RGS5: variants seen among roughly 807,000 people sequenced by gnomAD.
RGS5 encodes regulator of G-protein signalling 5.
A neutral mutation model predicts 18.9 loss-of-function variants in RGS5; 20 were observed. That is an observed-to-expected ratio of 1.06 (90% CI 0.74 to 1.54). The LOEUF (loss-of-function observed/expected upper bound fraction) is 1.54, where lower values mean the gene tolerates loss of function less well. RGS5 is among the 40% of genes most tolerant of loss of function. The probability of loss-of-function intolerance (pLI) is 0.00; values close to 1 mark genes in which losing one functional copy is unlikely to be tolerated. For synonymous variants in RGS5, 57 were observed against 76.2 expected (o/e 0.75, Z 1.31); for missense variants, 201 against 211.8 (o/e 0.95, Z 0.32).
At chr1:163,265,222 G>T (rs901619972) in intron 2 of RGS5, among the ~76,000 whole-genome samples, 3 of 151,942 alleles carry the variant, frequency 2.0e-5, no homozygotes, top group Non-Finnish European at 4.4e-5. Flanking sequence ...CTTCAATGAC[G>T]ATCATATCCC....
In RGS5 at chr1:163,152,644, C is replaced by A. The variant is rs1251592440; in HGVS notation, c.290G>T (p.Cys97Phe). 1 of 1,612,808 alleles carries A rather than the reference C, an allele frequency of 6.2e-7. No homozygotes were observed. The highest frequency in any genetic ancestry group is 2.2e-5 in the East Asian group (1 of 44,864). ...GGACTTGATCTTCTTGTAATCCTCACAGGCAATCCAGAACTCAAGGTTTTC... is the reference window on the plus strand; with the variant it reads ...GGACTTGATCTTCTTGTAATCCTCAAAGGCAATCCAGAACTCAAGGTTTTC... ...SEENLEFWIACEDYKKIKSPA... is the reference protein window; with the variant it reads ...SEENLEFWIAFEDYKKIKSPA... The change falls in exon 4 of 5, where the codon TGT (cysteine) becomes TTT (phenylalanine). Residue 97 changes from cysteine (C) to phenylalanine (F), a missense_variant. Cys to Phe is a radical substitution (Grantham distance 205). Transcript: ENST00000313961.
chr1:163,147,228 C>A lies in RGS5; in HGVS notation c.*114G>T. On this transcript the variant is annotated 3_prime_UTR_variant, in exon 5 of 5. Transcript: ENST00000313961. ...AAGCAACATCCCCTGGGATTTTTCC[C>A]ATGTGGGTATCACTGAGCAAAGCTG... is the stretch of plus-strand genomic sequence containing the variant. 8.9e-7 allele frequency: 1 copy of A among 1,129,684 alleles called. No individual in the cohort carries two copies. The highest frequency in any genetic ancestry group is 2.9e-5 in the East Asian group (1 of 35,062). The allele number at this position is 1,129,684 out of a possible 1,614,324, so 70.0% of individuals were successfully genotyped here. A position where few individuals can be genotyped will look rare whatever the true frequency, so the allele number is the denominator to read the frequency against.
intron 1 of RGS5, among the ~76,000 whole-genome samples, chr1:163,197,318 A>G (rs891551074): frequency 3.9e-5 from 6 of 151,970 alleles, no homozygotes; most frequent in Non-Finnish European, 8.8e-5. Flanking sequence ...CTTCCTGTCT[A>G]GACCTGGCTA....
chr1:163,277,671 A>G (rs113453562), intron 2 of RGS5, among the ~76,000 whole-genome samples: 4,071 of 152,270 alleles, frequency 0.027, 77 homozygotes, highest in Non-Finnish European at 0.045. Flanking sequence ...TGTCTCATTC[A>G]TTGTCTCTGG....
chr1:163,258,639 G>A (rs1053783376), intron 2 of RGS5, among the ~76,000 whole-genome samples: 7 of 143,284 alleles, frequency 4.9e-5, no homozygotes, highest in Non-Finnish European at 9.1e-5. Flanking sequence ...GCTAAAGTAA[G>A]TGTGTCTGTG....
chr1:163,217,895 C>T (rs112232876), upstream of RGS5, among the ~76,000 whole-genome samples: 62 of 152,184 alleles, frequency 4.1e-4, 1 homozygote, highest in African/African-American at 1.1e-3. Context: ...CTGTGAGTAA[C>T]AGATTTTAAA....
intron 1 of RGS5, chr1:163,319,300 G>C (rs1235351416): frequency 6.6e-6 from 1 of 152,176 alleles, no homozygotes. Flanking sequence ...GTCTAGAAAA[G>C]GAACATGAAA....
intron 1 of RGS5, among the ~76,000 whole-genome samples, chr1:163,189,470 T>C (rs4266856): frequency 0.79 from 120,157 of 152,088 alleles, 47,892 homozygotes; most frequent in East Asian, 0.95. Flanking sequence ...ACGATAAAAT[T>C]TTTAGAGGGT....
chr1:163,318,123 A>C (rs961794269), intron 1 of RGS5, among the ~76,000 whole-genome samples: 3 of 152,210 alleles, frequency 2.0e-5, no homozygotes, highest in Non-Finnish European at 4.4e-5. Context: ...CAAAGAAAAT[A>C]AAGATAGTCC....
At position 163,266,306 on chromosome 1, in the gene RGS5, C is replaced by T. The variant is rs567269112; in HGVS notation, c.-281+39927G>A. 1.2e-3 allele frequency among the ~76,000 whole-genome samples: 189 copies of T among 152,266 alleles called. 1 individual carries two copies. Among genetic ancestry groups the T allele is most frequent in the Middle Eastern group, 3.4e-3 (1 of 294 alleles). ...TTAATATGTCTCATATTCACTCCCA[C>T]ATTCATTCCACTACTACCTACTTAG... On this transcript the variant is annotated intron_variant, in intron 2 of 5. Transcript: ENST00000618415.
intron 1 of RGS5, among the ~76,000 whole-genome samples, chr1:163,311,331 G>A (rs181951663): frequency 3.9e-4 from 60 of 152,262 alleles, no homozygotes; most frequent in East Asian, 1.5e-3. Flanking sequence ...CAATATGGCT[G>A]TTCTGCTTTC....
At chr1:163,152,261 T>A (rs1657403611) in intron 4 of RGS5, among the ~76,000 whole-genome samples, 1 of 152,176 alleles carries the variant, frequency 6.6e-6, no homozygotes, top group East Asian at 1.9e-4. Context: ...AAGGAAGAAA[T>A]GAGGTTCACA....
At chr1:163,219,504 G>C (rs1036736113), upstream of RGS5, among the ~76,000 whole-genome samples, 1 of 152,054 alleles carries the variant, frequency 6.6e-6, no homozygotes, top group Non-Finnish European at 1.5e-5. Flanking sequence ...TTTCCAGTGT[G>C]TTCACAAGAT....
intron 2 of RGS5, among the ~76,000 whole-genome samples, chr1:163,254,528 T>C (rs1476442254): frequency 6.6e-6 from 1 of 152,070 alleles, no homozygotes; most frequent in Non-Finnish European, 1.5e-5. Context: ...TTGGAGTTCA[T>C]TGTAGATTCT....
In RGS5 at chr1:163,189,268, C is replaced by G. The variant is rs568027721; in HGVS notation, c.44+13524G>C. ...ATTGAATTTGCTATCTTGGCTTCCCCTCATGGGTTGTACATATGCTAATAA... is the reference window on the plus strand; with the variant it reads ...ATTGAATTTGCTATCTTGGCTTCCCGTCATGGGTTGTACATATGCTAATAA... On this transcript the variant is annotated intron_variant, in intron 1 of 4. Transcript: ENST00000313961. Among the ~76,000 whole-genome samples the G allele has an allele frequency of 2.0e-5, 3 of 152,270 alleles. No individual in the cohort carries two copies. The South Asian group carries it at 6.2e-4, about 32-fold the overall frequency.
chr1:163,170,448 A>C (rs142563721), intron 1 of RGS5, among the ~76,000 whole-genome samples: 78 of 152,280 alleles, frequency 5.1e-4, no homozygotes, highest in African/African-American at 1.7e-3. Context: ...AGATGTGGTG[A>C]AGTTCACATG....
At chr1:163,261,438 T>C (rs767071254) in intron 2 of RGS5, among the ~76,000 whole-genome samples, 2 of 152,134 alleles carry the variant, frequency 1.3e-5, no homozygotes, top group Admixed American at 1.3e-4. Flanking sequence ...GAAAACTAGG[T>C]CCATCCTCTG....
At chr1:163,151,912 T>TA (rs1657390918) in intron 4 of RGS5, among the ~76,000 whole-genome samples, 1 of 152,162 alleles carries the variant, frequency 6.6e-6, no homozygotes, top group Non-Finnish European at 1.5e-5. Context: ...CATAATGAGA[T>TA]AAGATATCTT....
chr1:163,210,697 G>A (rs1243299376), intron 1 of RGS5: 4 of 152,190 alleles, frequency 2.6e-5, no homozygotes, highest in African/African-American at 9.7e-5. Context: ...TACACACAAT[G>A]AGCACTCAAC....
Sources: gnomAD v4.1 joint callset for allele counts (sites outside exome capture counted in the v4.1 genomes callset) on GRCh38, gnomAD v4.1.1 for gene constraint, MANE v1.5 for transcripts, NCBI Gene and HGNC (gene_info 2026-07-23, HGNC 2026-07-21) for gene names.